SLCO1B3: variants seen among roughly 807,000 people sequenced by gnomAD.
The protein encoded by SLCO1B3 is liver-specific organic anion transporter 2.
SLCO1B3 carries 72 observed loss-of-function variants against 71.8 expected under a neutral mutation model. That is an observed-to-expected ratio of 1.00 (90% CI 0.83 to 1.22). The LOEUF is 1.22. SLCO1B3 is among the 50% of genes most tolerant of loss of function. SLCO1B3 has a pLI of 0.00. For missense variants in SLCO1B3, 911 were observed against 819.7 expected (o/e 1.11, Z -1.36); for synonymous variants, 298 against 278.4 (o/e 1.07, Z -0.70).
chr12:20,892,074 GT>G (rs1398108842), intron 13 of SLCO1B3, among the ~76,000 whole-genome samples: 3 of 151,876 alleles, frequency 2.0e-5, no homozygotes, highest in Non-Finnish European at 4.4e-5. Flanking sequence ...TTTCATTTTG[GT>G]TTGGATTAAT....
chr12:20,817,928 G>A (rs550350239), intron 3 of SLCO1B3, among the ~76,000 whole-genome samples: 16 of 152,236 alleles, frequency 1.1e-4, no homozygotes, highest in Non-Finnish European at 1.9e-4. Flanking sequence ...TTTGGGGATA[G>A]CACCAGGAGA....
intron 4 of SLCO1B3, among the ~76,000 whole-genome samples, chr12:20,857,410 T>A (rs1865162861): frequency 6.6e-6 from 1 of 152,032 alleles, no homozygotes; most frequent in Non-Finnish European, 1.5e-5. Flanking sequence ...ATTTTCTGAA[T>A]ATTTTTCCTT....
intron 15 of SLCO1B3, among the ~76,000 whole-genome samples, chr12:20,905,411 A>G (rs1866223011): frequency 2.0e-5 from 3 of 152,182 alleles, no homozygotes; most frequent in Non-Finnish European, 4.4e-5. Flanking sequence ...TTTCTTTTCT[A>G]CCACGTGGCT....
chr12:20,833,999 T>C (rs1365072986), intron 3 of SLCO1B3, among the ~76,000 whole-genome samples: 2 of 146,798 alleles, frequency 1.4e-5, no homozygotes, highest in Non-Finnish European at 3.0e-5. Flanking sequence ...TATGTCTATG[T>C]GTGGATATGT....
intron 15 of SLCO1B3, among the ~76,000 whole-genome samples, chr12:20,912,495 A>AT (rs34721125): frequency 0.014 from 1,649 of 118,880 alleles, 55 homozygotes; most frequent in African/African-American, 0.049. Context: ...CACCTGGCTA[A>AT]TTTTTTTTTT....
intron 14 of SLCO1B3, among the ~76,000 whole-genome samples, chr12:20,899,825 G>A (rs1357301202): frequency 6.6e-6 from 1 of 152,172 alleles, no homozygotes; most frequent in Non-Finnish European, 1.5e-5. Flanking sequence ...CATTCTAATT[G>A]TGAACATCCA....
At chr12:20,898,160 C>G (rs2120365035) in intron 13 of SLCO1B3, among the ~76,000 whole-genome samples, 1 of 152,220 alleles carries the variant, frequency 6.6e-6, no homozygotes, top group Non-Finnish European at 1.5e-5. Flanking sequence ...ATTCCAACCA[C>G]TTTCTTATAG....
chr12:20,818,256 G>A (rs944972375), intron 3 of SLCO1B3, among the ~76,000 whole-genome samples: 1 of 152,102 alleles, frequency 6.6e-6, no homozygotes, highest in African/African-American at 2.4e-5. Flanking sequence ...TTGGTGAGGT[G>A]TGTTTTTAAT....
At chr12:20,901,756 T>C (rs2120385977) in intron 15 of SLCO1B3, 2 of 317,184 alleles carry the variant, frequency 6.3e-6, no homozygotes, top group South Asian at 5.2e-5. Context: ...ACAGCTAGGA[T>C]TTGTACTTGA....
At position 20,855,155 on chromosome 12, in the gene SLCO1B3, G is replaced by A. The variant is rs1383018957; in HGVS notation, c.212G>A (p.Gly71Glu). 3 of 1,604,238 alleles carry A rather than the reference G, an allele frequency of 1.9e-6. No individual in the cohort carries two copies. Among genetic ancestry groups the A allele is most frequent in the South Asian group, 1.1e-5 (1 of 89,894 alleles). ...ISSSLAGLID[G>E]SFEIGNLLVI... ...TCTTCTCTTGCTGGTTTAATTGATG[G>A]AAGCTTTGAAATTGGTAACTTTTAT... The change falls in exon 4 of 16, where the codon GGA (glycine) becomes GAA (glutamate). Residue 71 changes from glycine (G) to glutamate (E), a missense_variant. Coordinates refer to ENST00000381545, the MANE Select transcript of SLCO1B3 (RefSeq NM_019844.4).
chr12:20,858,699 A>G, intron 5 of SLCO1B3, 128 bp downstream of exon 5: 1 of 780,492 alleles, frequency 1.3e-6, no homozygotes, highest in Non-Finnish European at 2.0e-6. Flanking sequence ...GCATAGAGAA[A>G]TGGAGTATAT....
chr12:20,861,467 T>A (rs73069219), intron 6 of SLCO1B3, among the ~76,000 whole-genome samples: 239 of 151,756 alleles, frequency 1.6e-3, no homozygotes, highest in Non-Finnish European at 1.7e-3. Context: ...TACATATGAG[T>A]TGTCCTAGAA....
In SLCO1B3 at chr12:20,855,207, A is replaced by T. The variant is rs528572408; in HGVS notation, c.226+38A>T. 5 of 1,551,120 alleles carry T rather than the reference A, an allele frequency of 3.2e-6. No homozygotes were observed. The South Asian group carries it at 5.7e-5, about 18-fold the overall frequency. The stretch of plus-strand genomic sequence containing the variant: ...TTTTCTATTTGATAACCATACTTGC[A>T]TAAGTTGAAAAACAAACTGTTCATG... On this transcript the variant is annotated intron_variant, in intron 4 of 15. Transcript: ENST00000381545.
intron 3 of SLCO1B3, among the ~76,000 whole-genome samples, chr12:20,823,966 C>T (rs114042654): frequency 0.012 from 1,827 of 152,202 alleles, 40 homozygotes; most frequent in African/African-American, 0.042. Context: ...AGTAAAATAA[C>T]GAGTGTCTCG....
chr12:20,896,379 C>T (rs1429380720), intron 13 of SLCO1B3, among the ~76,000 whole-genome samples: 1 of 152,182 alleles, frequency 6.6e-6, no homozygotes, highest in Non-Finnish European at 1.5e-5. Context: ...CTCTTGAATG[C>T]TTTGCTGCTT....
chr12:20,860,935 G>T (rs943141839), intron 5 of SLCO1B3, 82 bp from the exon 6 acceptor site: 4 of 1,355,060 alleles, frequency 3.0e-6, no homozygotes, highest in Non-Finnish European at 4.0e-6. Context: ...TCAAATAAAG[G>T]AGAAAATTTC....
At chr12:20,828,647 ACACACACACACACACACACT>A (rs1476414778) in intron 3 of SLCO1B3, among the ~76,000 whole-genome samples, 1 of 116,818 alleles carries the variant, frequency 8.6e-6, no homozygotes, top group Non-Finnish European at 1.9e-5. Context: ...ACACACACAT[ACACACACACACACACACACT>A]CACACACACA....
At chr12:20,812,792 C>T (rs1356475567) in intron 1 of SLCO1B3, among the ~76,000 whole-genome samples, 1 of 152,074 alleles carries the variant, frequency 6.6e-6, no homozygotes, top group Admixed American at 6.5e-5. Context: ...AGTCTTCAAG[C>T]CTTCAAGAAT....
At chr12:20,812,538 G>C (rs895691825) in intron 1 of SLCO1B3, among the ~76,000 whole-genome samples, 1 of 152,162 alleles carries the variant, frequency 6.6e-6, no homozygotes, top group East Asian at 1.9e-4. Context: ...TTTTCTGTTG[G>C]GACAGTGGTT....
Sources: allele counts gnomAD v4.1 joint callset (sites outside exome capture counted in the v4.1 genomes callset), GRCh38; gene constraint gnomAD v4.1.1; transcripts MANE v1.5; gene names NCBI Gene and HGNC (gene_info 2026-07-23, HGNC 2026-07-21).